CNTNAP2: variants seen among roughly 807,000 people sequenced by gnomAD.
CNTNAP2 encodes contactin-associated protein-like 2.
CNTNAP2 carries 98 observed loss-of-function variants against 155.2 expected under a neutral mutation model. That is an observed-to-expected ratio of 0.63 (90% CI 0.54 to 0.75). The LOEUF is 0.75. Among genes scored for constraint, CNTNAP2 ranks in the 30% least tolerant of loss-of-function variants. The pLI is 0.00. For synonymous variants in CNTNAP2, 651 were observed against 631.2 expected, an observed-to-expected ratio of 1.03 and a Z score of -0.47; for missense variants, 1,727 against 1,688.1, an observed-to-expected ratio of 1.02 and a Z score of -0.40.
intron 3 of CNTNAP2, among the ~76,000 whole-genome samples, chr7:146,841,066 A>T (rs941021303): frequency 1.3e-5 from 2 of 152,204 alleles, no homozygotes; most frequent in African/African-American, 4.8e-5. Flanking sequence ...AGTGCTTATC[A>T]AGCCTGAATA....
intron 21 of CNTNAP2, among the ~76,000 whole-genome samples, chr7:148,331,572 ATG>A: frequency 2.0e-5 from 1 of 49,902 alleles, no homozygotes; most frequent in East Asian, 6.0e-4. Flanking sequence ...GATGGAGTGG[ATG>A]GATGGAATGG....
chr7:147,539,686 T>C (rs781727299), intron 11 of CNTNAP2, among the ~76,000 whole-genome samples: 1 of 152,154 alleles, frequency 6.6e-6, no homozygotes. Context: ...GAGACTGAGA[T>C]CCCTACACCA....
At chr7:147,603,422 C>T (rs570473504) in intron 12 of CNTNAP2, among the ~76,000 whole-genome samples, 26 of 152,084 alleles carry the variant, frequency 1.7e-4, no homozygotes, top group African/African-American at 5.8e-4. Context: ...TCTTATACAC[C>T]AATAACAGAC....
At chr7:147,793,343 C>A (rs1209634366) in intron 13 of CNTNAP2, among the ~76,000 whole-genome samples, 2 of 151,896 alleles carry the variant, frequency 1.3e-5, no homozygotes, top group African/African-American at 4.8e-5. Flanking sequence ...GTCTTTAATC[C>A]ACTTGAATTA....
At chr7:146,432,724 G>C (rs1724502) in intron 1 of CNTNAP2, among the ~76,000 whole-genome samples, 5,417 of 152,202 alleles carry the variant, frequency 0.036, 344 homozygotes, top group African/African-American at 0.12. Context: ...TTAGAAAAGT[G>C]ATGTTTGTTC....
chr7:146,372,612 C>T (rs780502175), intron 1 of CNTNAP2, among the ~76,000 whole-genome samples: 23 of 148,858 alleles, frequency 1.5e-4, no homozygotes, highest in Non-Finnish European at 2.8e-4. Context: ...TTCAAAGAGG[C>T]GAGTAAGAGG....
chr7:146,419,543 A>G lies in CNTNAP2; in HGVS notation c.97+302570A>G, dbSNP rs549611225. On this transcript the variant is annotated intron_variant, in intron 1 of 23. Transcript: ENST00000361727. ...ATTCCAATTATTATCAGAGAACAAT[A>G]AAAGTGACCAGAAATATCTTCTTTT... 1.2e-3 allele frequency among the ~76,000 whole-genome samples: 188 copies of G among 152,320 alleles called. 1 individual carries two copies. Among genetic ancestry groups the G allele is most frequent in the Middle Eastern group, 6.8e-3 (2 of 294 alleles).
chr7:147,914,104 T>C (rs867511409), intron 14 of CNTNAP2, among the ~76,000 whole-genome samples: 10 of 151,530 alleles, frequency 6.6e-5, no homozygotes, highest in African/African-American at 2.4e-4. Flanking sequence ...TGAATAGAGT[T>C]TCAGAAAATG....
chr7:146,160,276 A>C (rs571110950), intron 1 of CNTNAP2, among the ~76,000 whole-genome samples: 6 of 152,316 alleles, frequency 3.9e-5, no homozygotes, highest in Non-Finnish European at 7.3e-5. Flanking sequence ...CATCACAATT[A>C]AAAGAACTAG....
At chr7:147,750,898 G>A (rs1797123357) in intron 13 of CNTNAP2, among the ~76,000 whole-genome samples, 1 of 152,032 alleles carries the variant, frequency 6.6e-6, no homozygotes, top group African/African-American at 2.4e-5. Flanking sequence ...CATTTGGCTG[G>A]GCATGGTGGT....
intron 21 of CNTNAP2, among the ~76,000 whole-genome samples, chr7:148,280,458 A>T (rs561573852): frequency 7.9e-5 from 12 of 152,334 alleles, no homozygotes; most frequent in African/African-American, 2.4e-4. Flanking sequence ...CTGAAATAAG[A>T]TCATTGGATC....
intron 11 of CNTNAP2, among the ~76,000 whole-genome samples, chr7:147,554,562 G>T (rs1030014176): frequency 6.6e-6 from 1 of 151,994 alleles, no homozygotes; most frequent in African/African-American, 2.4e-5. Context: ...ACAAGCTATT[G>T]TAATTTCAAC....
intron 3 of CNTNAP2, among the ~76,000 whole-genome samples, chr7:146,917,748 A>T (rs1477281088): frequency 6.6e-6 from 1 of 152,110 alleles, no homozygotes; most frequent in Non-Finnish European, 1.5e-5. Context: ...GTTTTATAAA[A>T]GGGAGTTTTC....
At chr7:147,060,541 T>C (rs1799643787) in intron 4 of CNTNAP2, among the ~76,000 whole-genome samples, 1 of 151,934 alleles carries the variant, frequency 6.6e-6, no homozygotes, top group Non-Finnish European at 1.5e-5. Context: ...GCAAACACGG[T>C]GAAACCCTGT....
chr7:146,293,099 G>C (rs1017514363), intron 1 of CNTNAP2, among the ~76,000 whole-genome samples: 1 of 151,890 alleles, frequency 6.6e-6, no homozygotes, highest in Admixed American at 6.6e-5. Flanking sequence ...ACCAGTTTGT[G>C]TCACATAAAT....
intron 13 of CNTNAP2, among the ~76,000 whole-genome samples, chr7:147,774,291 A>G (rs143270593): frequency 6.6e-6 from 1 of 152,188 alleles, no homozygotes; most frequent in African/African-American, 2.4e-5. Flanking sequence ...GAACTTAAGG[A>G]ATAGCAGGGA....
chr7:147,745,325 G>A (rs949625654), intron 13 of CNTNAP2, among the ~76,000 whole-genome samples: 5 of 152,108 alleles, frequency 3.3e-5, no homozygotes, highest in African/African-American at 1.2e-4. Flanking sequence ...ACCATTTCAG[G>A]GAAGGCAATC....
At chr7:147,101,761 C>T (rs946750429) in intron 4 of CNTNAP2, among the ~76,000 whole-genome samples, 7 of 152,096 alleles carry the variant, frequency 4.6e-5, no homozygotes, top group East Asian at 1.9e-4. Context: ...GATGTACAGA[C>T]GCTTCCTCTC....
chr7:148,101,488 T>C (rs999300173), intron 15 of CNTNAP2, among the ~76,000 whole-genome samples: 2 of 152,054 alleles, frequency 1.3e-5, no homozygotes, highest in Non-Finnish European at 2.9e-5. Context: ...CTAAATGCAC[T>C]TGAAATTTAT....
Sources: gnomAD v4.1 joint callset for allele counts (sites outside exome capture counted in the v4.1 genomes callset) on GRCh38, gnomAD v4.1.1 for gene constraint, MANE v1.5 for transcripts, NCBI Gene and HGNC (gene_info 2026-07-23, HGNC 2026-07-21) for gene names.